Variants in RNF220 observed in about 807,000 individuals in gnomAD.
RNF220 encodes ring finger protein 220.
Under a neutral mutation model 67.1 loss-of-function variants are expected in RNF220, and 7 were observed. The observed-to-expected ratio is 0.10, with a 90% CI of 0.06 to 0.20. The LOEUF is 0.20. Among genes scored for constraint, RNF220 ranks in the 10% least tolerant of loss-of-function variants. The pLI is 1.00. For missense variants in RNF220, 565 were observed against 740.3 expected, an observed-to-expected ratio of 0.76 and a Z score of 2.75; for synonymous variants, 270 against 283.2, an observed-to-expected ratio of 0.95 and a Z score of 0.47.
intron 8 of RNF220, among the ~76,000 whole-genome samples, chr1:44,639,354 T>C (rs891670387): frequency 3.6e-4 from 55 of 152,192 alleles, no homozygotes; most frequent in African/African-American, 9.7e-4. Flanking sequence ...CCCAACTGCA[T>C]TGGGGAGCCC....
intron 2 of RNF220, among the ~76,000 whole-genome samples, chr1:44,537,582 G>A (rs1298256354): frequency 6.6e-6 from 1 of 152,062 alleles, no homozygotes; most frequent in Non-Finnish European, 1.5e-5. Flanking sequence ...GTAAAGTTCT[G>A]TCCTTTGAAT....
chr1:44,642,877 G>C (rs548680152), intron 8 of RNF220, among the ~76,000 whole-genome samples: 1 of 152,338 alleles, frequency 6.6e-6, no homozygotes, highest in East Asian at 1.9e-4. Context: ...GGCAGGACTT[G>C]GGTGCCGCAA....
In RNF220 at chr1:44,621,585, C is replaced by G. The variant is rs1186108603; in HGVS notation, c.759-1157C>G. Among the ~76,000 whole-genome samples the G allele has an allele frequency of 1.3e-5, 2 of 152,200 alleles. No individual in the cohort carries two copies. The highest frequency in any genetic ancestry group is 2.9e-5 in the Non-Finnish European group (2 of 68,046). ...GGTGAACATCCCTTCCCCTTCTCCC[C>G]TGTCCCCCACTGAGAGTCACTGCTG... On this transcript the variant is annotated intron_variant, in intron 3 of 14. Transcript: ENST00000361799. This position sits in a 1 kb window ranked among gnomAD's most constrained non-coding sequence, Gnocchi z 4.8.
At chr1:44,612,979 T>C (rs1187155722) in intron 2 of RNF220, among the ~76,000 whole-genome samples, 1 of 152,186 alleles carries the variant, frequency 6.6e-6, no homozygotes, top group African/African-American at 2.4e-5. Context: ...TCCATGGATA[T>C]GCAGGGATGT....
chr1:44,635,855 A>G (rs1644313192), intron 7 of RNF220, 175 bp from the exon 8 acceptor site: 1 of 1,333,834 alleles, frequency 7.5e-7, no homozygotes, highest in Admixed American at 2.3e-5. Context: ...GCGGAAAACT[A>G]TTGGGAAGAG....
chr1:44,650,263 A>T lies in RNF220; in HGVS notation c.1629+306A>T. 1.9e-6 allele frequency: 1 copy of T among 525,830 alleles called. No homozygotes were observed. The allele number at this position is 525,830 out of a possible 1,614,324, so 32.6% of individuals were successfully genotyped here. A position where few individuals can be genotyped will look rare whatever the true frequency, so the allele number is the denominator to read the frequency against. On this transcript the variant is annotated intron_variant, in intron 14 of 14. Coordinates refer to ENST00000361799, the MANE Select transcript of RNF220 (RefSeq NM_018150.4). The surrounding 1 kb of genome is among the most constrained non-coding windows in gnomAD (Gnocchi z 4.3). ...CTGGGGTCAGGAGGAGGCTGGCTGT[A>T]GGTAAACAGGACCAGGGCCTTGGCC...
At chr1:44,536,472 A>G (rs1366812653) in intron 2 of RNF220, among the ~76,000 whole-genome samples, 1 of 152,178 alleles carries the variant, frequency 6.6e-6, no homozygotes, top group Admixed American at 6.5e-5. Context: ...ACAGGCCTTT[A>G]TACTTGGAGG....
chr1:44,504,183 G>T (rs1658203546), intron 2 of RNF220, among the ~76,000 whole-genome samples: 1 of 152,150 alleles, frequency 6.6e-6, no homozygotes, highest in Non-Finnish European at 1.5e-5. Flanking sequence ...AGATCATTCT[G>T]ATGCTCCGTA....
At chr1:44,444,210 A>G (rs1366237388) in intron 2 of RNF220, among the ~76,000 whole-genome samples, 2 of 152,160 alleles carry the variant, frequency 1.3e-5, no homozygotes, top group African/African-American at 4.8e-5. Flanking sequence ...GACTTTTATG[A>G]TGATTACTTT....
Position 44,645,227 on chromosome 1 carries a change from C to T in RNF220, c.1317C>T (p.Gly439=), listed in dbSNP as rs752309556. The change falls in exon 11 of 15, where the codon GGC becomes GGT. Residue 439 remains glycine, a synonymous_variant. Coordinates refer to ENST00000361799, the MANE Select transcript of RNF220 (RefSeq NM_018150.4). The surrounding 1 kb of genome is among the most constrained non-coding windows in gnomAD (Gnocchi z 5.0). ...CCTCCCTCCTTTCCTCCAGTGGCGG[C>T]CCTCCCAGCACGCGCATCACACCTG... ...EALRGAVLNG[G]PPSTRITPEF... The T allele has an allele frequency of 5.0e-6, 8 of 1,614,010 alleles. No individual in the cohort carries two copies. The highest frequency in any genetic ancestry group is 1.1e-5 in the South Asian group (1 of 91,090).
intron 4 of RNF220, among the ~76,000 whole-genome samples, chr1:44,623,258 G>T (rs1316665533): frequency 6.6e-6 from 1 of 152,186 alleles, no homozygotes; most frequent in Non-Finnish European, 1.5e-5. Context: ...GTCCTGAGGG[G>T]AACAAGGAGC....
At chr1:44,635,826 A>G in intron 7 of RNF220, 2 of 1,286,996 alleles carry the variant, frequency 1.6e-6, no homozygotes, top group South Asian at 1.5e-5. Flanking sequence ...ACTCTCACTC[A>G]TTCCCTCCTT....
intron 2 of RNF220, among the ~76,000 whole-genome samples, chr1:44,505,162 G>A (rs1250072578): frequency 6.6e-6 from 1 of 152,180 alleles, no homozygotes; most frequent in Non-Finnish European, 1.5e-5. Flanking sequence ...GCTTCTAAGT[G>A]GCAGTCAGGA....
chr1:44,461,492 G>A (rs2147960926), intron 2 of RNF220, among the ~76,000 whole-genome samples: 2 of 152,306 alleles, frequency 1.3e-5, no homozygotes, highest in South Asian at 4.1e-4. Context: ...TTCAGGAAAA[G>A]CAGAGTTGGG....
intron 2 of RNF220, among the ~76,000 whole-genome samples, chr1:44,480,348 G>A (rs1041145684): frequency 3.9e-5 from 6 of 152,096 alleles, no homozygotes; most frequent in Admixed American, 1.3e-4. Context: ...TAAAGGCTGT[G>A]GTGAGCCCTG....
intron 2 of RNF220, among the ~76,000 whole-genome samples, chr1:44,469,269 AATC>A (rs1282455631): frequency 1.3e-5 from 2 of 152,214 alleles, no homozygotes; most frequent in Non-Finnish European, 2.9e-5. Flanking sequence ...AGTCTCTTTG[AATC>A]ATCTGATAAA....
intron 2 of RNF220, among the ~76,000 whole-genome samples, chr1:44,426,726 C>CAAAAAAA (rs33975687): frequency 8.9e-6 from 1 of 112,370 alleles, no homozygotes. Flanking sequence ...GACTCTGTCT[C>CAAAAAAA]AAAAAAAAAA....
intron 2 of RNF220, among the ~76,000 whole-genome samples, chr1:44,523,801 A>G (rs1401000733): frequency 6.6e-6 from 1 of 152,092 alleles, no homozygotes; most frequent in East Asian, 1.9e-4. Flanking sequence ...TGCCCTCACA[A>G]TCCAGCATCC....
chr1:44,522,656 G>C (rs934155298), intron 2 of RNF220, among the ~76,000 whole-genome samples: 2 of 152,102 alleles, frequency 1.3e-5, no homozygotes, highest in Admixed American at 1.3e-4. Flanking sequence ...TCCCTCCTGG[G>C]GGGGCGGGGG....
Sources: gnomAD v4.1 joint callset for allele counts (sites outside exome capture counted in the v4.1 genomes callset) on GRCh38, gnomAD v4.1.1 for gene constraint, Gnocchi (gnomAD v3.1) non-coding constraint, MANE v1.5 for transcripts, NCBI Gene and HGNC (gene_info 2026-07-23, HGNC 2026-07-21) for gene names.